The following RBMS2 variants were observed in gnomAD, a reference collection of about 807,000 sequenced individuals.
RBMS2 encodes RNA-binding motif, single-stranded-interacting protein 2.
RBMS2 carries 38 observed loss-of-function variants against 58.4 expected under a neutral mutation model. The observed-to-expected ratio is 0.65, with a 90% CI of 0.50 to 0.85. The LOEUF (loss-of-function observed/expected upper bound fraction) is 0.85, where lower values mean the gene tolerates loss of function less well. Among genes scored for constraint, RBMS2 ranks in the 40% least tolerant of loss-of-function variants. RBMS2 has a pLI of 0.00. For synonymous variants in RBMS2, 151 were observed against 180.7 expected (o/e 0.84, Z 1.32); for missense variants, 367 against 503.7 (o/e 0.73, Z 2.60).
chr12:56,523,860 A>G (rs1872183545), intron 1 of RBMS2, among the ~76,000 whole-genome samples: 1 of 152,220 alleles, frequency 6.6e-6, no homozygotes. Flanking sequence ...TGTATAGATA[A>G]TACATTATAT....
chr12:56,585,177 G>A (rs569212599), intron 9 of RBMS2, among the ~76,000 whole-genome samples: 3 of 150,790 alleles, frequency 2.0e-5, no homozygotes, highest in African/African-American at 7.4e-5. Context: ...TGTGTATCTG[G>A]TCTCTAAGAT....
At chr12:56,563,936 G>A (rs759899635) in intron 2 of RBMS2, among the ~76,000 whole-genome samples, 12 of 152,100 alleles carry the variant, frequency 7.9e-5, no homozygotes, top group South Asian at 2.1e-4. Flanking sequence ...TTGAGGGAGC[G>A]AAAGAGTATC....
chr12:56,530,603 T>C lies in RBMS2; in HGVS notation c.66+8514T>C, dbSNP rs141549736. ...TCAAACTCCTGGGCTCAAGTGATTC[T>C]CCCACCTCAGCCTCCTAAAGTGCTG... On this transcript the variant is annotated intron_variant, in intron 1 of 13. Coordinates refer to ENST00000262031, the MANE Select transcript of RBMS2 (RefSeq NM_002898.4). Among the ~76,000 whole-genome samples the C allele has an allele frequency of 3.5e-3, 536 of 152,142 alleles. 3 individuals carry two copies. Among genetic ancestry groups the C allele is most frequent in the African/African-American group, 0.013 (519 of 41,512 alleles).
intron 1 of RBMS2, among the ~76,000 whole-genome samples, chr12:56,528,841 G>A (rs1873168142): frequency 1.3e-5 from 2 of 152,020 alleles, no homozygotes; most frequent in African/African-American, 4.8e-5. Flanking sequence ...GCTGAGGTGG[G>A]AGGATTGCTT....
chr12:56,581,980 C>T (rs1428230292), intron 8 of RBMS2, 79 bp from the exon 9 acceptor site: 7 of 1,569,312 alleles, frequency 4.5e-6, no homozygotes, highest in South Asian at 1.1e-5. Flanking sequence ...GTCAAGGGAA[C>T]GTTGGCTGTG....
chr12:56,580,025 G>A (rs1883700594), intron 5 of RBMS2, among the ~76,000 whole-genome samples: 1 of 152,020 alleles, frequency 6.6e-6, no homozygotes, highest in Non-Finnish European at 1.5e-5. Context: ...TGCTTCCCAG[G>A]TTCAAGCAAT....
chr12:56,522,484 C>A (rs1356597851), intron 1 of RBMS2, among the ~76,000 whole-genome samples: 1 of 152,116 alleles, frequency 6.6e-6, no homozygotes, highest in African/African-American at 2.4e-5. Context: ...TGTTTCCATT[C>A]TCTCCCCAAC....
Position 56,594,825 on chromosome 12 carries a change from A to C in RBMS2, c.*5692A>C, listed in dbSNP as rs563038253. 2 of 152,176 alleles carry C rather than the reference A, an allele frequency of 1.3e-5. No individual in the cohort carries two copies. The highest frequency in any genetic ancestry group is 1.3e-4 in the Admixed American group (2 of 15,272). 9.4% of individuals were successfully genotyped at this position (152,176 alleles called of 1,614,324 possible). A position where few individuals can be genotyped will look rare whatever the true frequency, so the allele number is the denominator to read the frequency against. Reference sequence around the variant, plus strand: ...ACTTCCTTGTCCTTGTTACACGTCTACCTCACAACCTCACAATTCAACAAC... The same window carrying C: ...ACTTCCTTGTCCTTGTTACACGTCTCCCTCACAACCTCACAATTCAACAAC... On this transcript the variant is annotated 3_prime_UTR_variant, in exon 14 of 14. Coordinates refer to ENST00000262031, the MANE Select transcript of RBMS2 (RefSeq NM_002898.4).
At chr12:56,549,634 A>G (rs940731918) in intron 1 of RBMS2, among the ~76,000 whole-genome samples, 1 of 152,130 alleles carries the variant, frequency 6.6e-6, no homozygotes, top group Admixed American at 6.6e-5. Context: ...AGATTAATGA[A>G]TGTTCTGGGG....
chr12:56,582,738 G>A (rs147550172), intron 9 of RBMS2, among the ~76,000 whole-genome samples: 2,101 of 152,242 alleles, frequency 0.014, 22 homozygotes, highest in Non-Finnish European at 0.022. Flanking sequence ...GTGCAATCTC[G>A]GCTCACTGCA....
At chr12:56,584,431 CAA>C (rs1209646153) in intron 9 of RBMS2, among the ~76,000 whole-genome samples, 34 of 87,504 alleles carry the variant, frequency 3.9e-4, no homozygotes, top group Admixed American at 4.9e-4. Flanking sequence ...GACCATGTCT[CAA>C]AAAAAAAAAA....
chr12:56,546,248 G>A (rs529513047), intron 1 of RBMS2, among the ~76,000 whole-genome samples: 1 of 149,232 alleles, frequency 6.7e-6, no homozygotes, highest in Non-Finnish European at 1.5e-5. Context: ...CTCCTGAGTA[G>A]CTGGGACTAC....
chr12:56,582,001 G>A (rs1021231460), intron 8 of RBMS2, 58 bp from the exon 9 acceptor site: 2 of 1,566,892 alleles, frequency 1.3e-6, no homozygotes, highest in African/African-American at 1.4e-5. Context: ...CCTATCAGTT[G>A]GGACCCTTCC....
chr12:56,559,791 C>T (rs1196745507), intron 1 of RBMS2, among the ~76,000 whole-genome samples: 6 of 126,500 alleles, frequency 4.7e-5, no homozygotes, highest in Admixed American at 3.9e-4. Flanking sequence ...GCAGACGTTG[C>T]AGTCAGCCAA....
In RBMS2 at chr12:56,588,310, C is replaced by T; in HGVS notation, c.1079C>T (p.Ala360Val). 2 of 1,613,768 alleles carry T rather than the reference C, an allele frequency of 1.2e-6. No individual in the cohort carries two copies. Among genetic ancestry groups the T allele is most frequent in the African/African-American group, 2.7e-5 (2 of 75,026 alleles). ...TCTTTCTAGTATATGCCGACGGCTG[C>T]AGCTATGCAAGGAGCTTACATCTCC... ...SSTGTYMPTA[A>V]AMQGAYISQY... The change falls in exon 12 of 14, where the codon GCA (alanine) becomes GTA (valine). Residue 360 changes from alanine to valine, a missense_variant. Physicochemically the swap from Ala to Val is moderately conservative, Grantham distance 64. Coordinates refer to ENST00000262031, the MANE Select transcript of RBMS2 (RefSeq NM_002898.4).
intron 1 of RBMS2, among the ~76,000 whole-genome samples, chr12:56,539,309 G>A (rs1276623086): frequency 1.3e-5 from 2 of 152,052 alleles, no homozygotes; most frequent in Non-Finnish European, 2.9e-5. Context: ...GAGCCACTGC[G>A]CCCAGCCAGA....
intron 1 of RBMS2, among the ~76,000 whole-genome samples, chr12:56,535,052 C>G (rs1874512748): frequency 1.3e-5 from 2 of 152,150 alleles, no homozygotes; most frequent in Admixed American, 1.3e-4. Flanking sequence ...GAATGCCACA[C>G]TCTCCTGGTT....
chr12:56,545,824 G>A (rs1877064113), intron 1 of RBMS2, among the ~76,000 whole-genome samples: 1 of 151,986 alleles, frequency 6.6e-6, no homozygotes, highest in Non-Finnish European at 1.5e-5. Context: ...TATTTATCCA[G>A]TTATCAGTTG....
intron 1 of RBMS2, among the ~76,000 whole-genome samples, chr12:56,543,100 C>T (rs1443679928): frequency 1.3e-5 from 2 of 152,114 alleles, no homozygotes; most frequent in Non-Finnish European, 2.9e-5. Flanking sequence ...TCTCAAACTC[C>T]TGGCCTCAAT....
Sources: gnomAD v4.1 joint callset for allele counts (sites outside exome capture counted in the v4.1 genomes callset) on GRCh38, gnomAD v4.1.1 for gene constraint, MANE v1.5 for transcripts, NCBI Gene and HGNC (gene_info 2026-07-23, HGNC 2026-07-21) for gene names.